The following APCDD1 variants were observed in gnomAD, a reference collection of about 807,000 sequenced individuals.
The protein encoded by APCDD1 is protein APCDD1.
In APCDD1, 15 loss-of-function variants were observed where a neutral mutation model predicts 38.1. That is an observed-to-expected ratio of 0.39 (90% CI 0.26 to 0.61). The LOEUF (loss-of-function observed/expected upper bound fraction) is 0.61. Ranked by LOEUF, APCDD1 falls within the 20% of genes least tolerant of loss-of-function variation. The probability of loss-of-function intolerance (pLI) is 0.49; values close to 1 mark genes in which losing one functional copy is unlikely to be tolerated. For missense variants in APCDD1, 647 were observed against 696.2 expected (o/e 0.93, Z 0.79); for synonymous variants, 261 against 279.7 (o/e 0.93, Z 0.67).
chr18:10,487,329 G>C (rs756006085), intron 4 of APCDD1, among the ~76,000 whole-genome samples: 8 of 152,180 alleles, frequency 5.3e-5, no homozygotes, highest in Non-Finnish European at 1.0e-4. Flanking sequence ...TGGGCTCAGT[G>C]TTTCTACACC....
At position 10,470,858 on chromosome 18, in the gene APCDD1, C is replaced by T. The variant is rs1003347888; in HGVS notation, c.243-672C>T. On this transcript the variant is annotated intron_variant, in intron 2 of 4. Coordinates refer to ENST00000355285, the MANE Select transcript of APCDD1 (RefSeq NM_153000.5). This position sits in a 1 kb window ranked among gnomAD's most constrained non-coding sequence, Gnocchi z 4.1. ...GGAACCTAGCATTCATCTAAGGCCACACTGGCAACCATCATAAACAAAAGG... is the reference window on the plus strand; with the variant it reads ...GGAACCTAGCATTCATCTAAGGCCATACTGGCAACCATCATAAACAAAAGG... Among the ~76,000 whole-genome samples the T allele has an allele frequency of 1.3e-5, 2 of 152,240 alleles. No homozygotes were observed. The highest frequency in any genetic ancestry group is 2.9e-5 in the Non-Finnish European group (2 of 68,042).
chr18:10,481,619 G>A (rs1357068776), intron 3 of APCDD1, among the ~76,000 whole-genome samples: 1 of 151,474 alleles, frequency 6.6e-6, no homozygotes, highest in Non-Finnish European at 1.5e-5. Context: ...ACAACAGTGT[G>A]AATATACTTT....
intron 1 of APCDD1, among the ~76,000 whole-genome samples, chr18:10,464,311 A>AACACACACACACACACAC (rs541648834): frequency 6.9e-4 from 101 of 147,098 alleles, no homozygotes; most frequent in South Asian, 8.7e-4. Flanking sequence ...CTTCAAAGTA[A>AACACACACACACACACAC]ACACACACAC....
chr18:10,454,666 G>A lies in APCDD1; in HGVS notation c.-316G>A. ...ACGCTGCAGCTGCGGTGGCGGTGGCGGCCACTGCAGCTCAGAGCGGCGCAC... is the reference window on the plus strand; with the variant it reads ...ACGCTGCAGCTGCGGTGGCGGTGGCAGCCACTGCAGCTCAGAGCGGCGCAC... On this transcript the variant is annotated 5_prime_UTR_variant, in exon 1 of 5. Transcript: ENST00000355285. 2 of 1,028,974 alleles carry A rather than the reference G, an allele frequency of 1.9e-6. No individual in the cohort carries two copies. Among genetic ancestry groups the A allele is most frequent in the Non-Finnish European group, 2.3e-6 (2 of 860,184 alleles). The allele number at this position is 1,028,974 out of a possible 1,614,324, so 63.7% of individuals were successfully genotyped here. A position where few individuals can be genotyped will look rare whatever the true frequency, so the allele number is the denominator to read the frequency against.
chr18:10,487,604 G>T lies in APCDD1; in HGVS notation c.1111G>T (p.Val371Phe), dbSNP rs1568008968. Reference sequence around the variant, plus strand: ...CTCCTTTGCAGTGAATCACATGAAGGTCACCCCCATGGATGCGGCCACAGC... The same window carrying T: ...CTCCTTTGCAGTGAATCACATGAAGTTCACCCCCATGGATGCGGCCACAGC... ...EFVFKVNHMKVTPMDAATASL... is the reference protein window; with the variant it reads ...EFVFKVNHMKFTPMDAATASL... Residue 371 changes from valine (V) to phenylalanine (F), a missense_variant, in exon 5 of 5, where the codon GTC becomes TTC. Coordinates refer to ENST00000355285, the MANE Select transcript of APCDD1 (RefSeq NM_153000.5). The T allele has an allele frequency of 6.2e-7, 1 of 1,614,080 alleles. No individual in the cohort carries two copies. The highest frequency in any genetic ancestry group is 8.5e-7 in the Non-Finnish European group (1 of 1,180,052).
intron 4 of APCDD1, among the ~76,000 whole-genome samples, chr18:10,486,950 T>G (rs1365898760): frequency 6.6e-6 from 1 of 152,230 alleles, no homozygotes; most frequent in Non-Finnish European, 1.5e-5. Flanking sequence ...AATCTTTACT[T>G]GACTCCACCC....
At chr18:10,468,279 T>C (rs1046763019) in intron 1 of APCDD1, among the ~76,000 whole-genome samples, 190 bp from the exon 2 acceptor site, 1 of 152,232 alleles carries the variant, frequency 6.6e-6, no homozygotes, top group African/African-American at 2.4e-5. Context: ...CACCAGGGAA[T>C]TGATCTACAA....
chr18:10,465,515 T>C (rs1408637092), intron 1 of APCDD1, among the ~76,000 whole-genome samples: 2 of 152,222 alleles, frequency 1.3e-5, no homozygotes, highest in Admixed American at 6.5e-5. Context: ...GTGAAGCAAA[T>C]ATTTATTGCT....
chr18:10,487,811 G>C lies in APCDD1; in HGVS notation c.1318G>C (p.Gly440Arg), dbSNP rs376074678. The change falls in exon 5 of 5, where the codon GGT becomes CGT. Residue 440 changes from glycine (G) to arginine (R), a missense_variant. Gly to Arg is a moderately radical substitution (Grantham distance 125). Transcript: ENST00000355285. The part of the protein sequence containing the change: ...DARGRYLLFN[G>R]QRPSDGSSPD... ...CCGGGGGCGCTATCTGCTGTTCAAC[G>C]GTCAGAGGCCCAGCGACGGGTCCAG... 6.2e-7 allele frequency: 1 copy of C among 1,614,058 alleles called. No homozygotes were observed.
intron 1 of APCDD1, among the ~76,000 whole-genome samples, chr18:10,463,968 G>A (rs2030637087): frequency 6.6e-6 from 1 of 152,208 alleles, no homozygotes; most frequent in South Asian, 2.1e-4. Context: ...TGCCAGCCTC[G>A]CTGGGTTTCC....
chr18:10,457,049 C>A (rs561380554), intron 1 of APCDD1, among the ~76,000 whole-genome samples: 1 of 152,240 alleles, frequency 6.6e-6, no homozygotes, highest in South Asian at 2.1e-4. Context: ...CATGGATAAA[C>A]CGATAAAAAG....
intron 1 of APCDD1, among the ~76,000 whole-genome samples, chr18:10,458,545 G>A (rs1024556289): frequency 6.6e-6 from 1 of 152,138 alleles, no homozygotes; most frequent in Non-Finnish European, 1.5e-5. Context: ...CCCAACAGGG[G>A]CAAGGGTCTC....
Position 10,488,773 on chromosome 18 carries a change from A to C in APCDD1, c.*735A>C, listed in dbSNP as rs2031309237. The C allele has an allele frequency of 8.6e-6, 1 of 116,138 alleles. No homozygotes were observed. Among genetic ancestry groups the C allele is most frequent in the Non-Finnish European group, 1.8e-5 (1 of 56,146 alleles). 7.2% of individuals were successfully genotyped at this position (116,138 alleles called of 1,614,324 possible). On this transcript the variant is annotated 3_prime_UTR_variant, in exon 5 of 5. Transcript: ENST00000355285. Reference sequence around the variant, plus strand: ...TTGGCTTCTGGTTGTTGCAGGAGGCATGTGGCTTCCTGCCTTCTCAGTAGA... The same window carrying C: ...TTGGCTTCTGGTTGTTGCAGGAGGCCTGTGGCTTCCTGCCTTCTCAGTAGA...
intron 1 of APCDD1, 37 bp downstream of exon 1, chr18:10,455,076 G>A: frequency 6.5e-7 from 1 of 1,549,372 alleles, no homozygotes; most frequent in Non-Finnish European, 8.7e-7. Context: ...CTCCCAGCCG[G>A]CGGAGGCAGC....
intron 4 of APCDD1, among the ~76,000 whole-genome samples, chr18:10,486,163 G>C (rs1598401272): frequency 1.3e-5 from 2 of 152,174 alleles, no homozygotes; most frequent in South Asian, 4.1e-4. Context: ...ACCAGCCTGG[G>C]CAACATAGTG....
chr18:10,467,486 C>A lies in APCDD1; in HGVS notation c.59-983C>A, dbSNP rs1438394433. 6.6e-6 allele frequency among the ~76,000 whole-genome samples: 1 copy of A among 152,130 alleles called. No individual in the cohort carries two copies. Among genetic ancestry groups the A allele is most frequent in the African/African-American group, 2.4e-5 (1 of 41,420 alleles). On this transcript the variant is annotated intron_variant, in intron 1 of 4. Transcript: ENST00000355285. This position sits in a 1 kb window ranked among gnomAD's most constrained non-coding sequence, Gnocchi z 4.8. ...CTTCAGGAGTGAATATCAGAGGAGA[C>A]CGTGGCTTTCAGATAATAATTCCAC... is the stretch of plus-strand genomic sequence containing the variant.
chr18:10,471,584 C>T lies in APCDD1; in HGVS notation c.297C>T (p.His99=), dbSNP rs781318162. 1 of 1,614,226 alleles carries T rather than the reference C, an allele frequency of 6.2e-7. No homozygotes were observed. Among genetic ancestry groups the T allele is most frequent in the Non-Finnish European group, 8.5e-7 (1 of 1,180,044 alleles). The change falls in exon 3 of 5, where the codon CAC becomes CAT. Residue 99 remains histidine, a synonymous_variant. Coordinates refer to ENST00000355285, the MANE Select transcript of APCDD1 (RefSeq NM_153000.5). The surrounding 1 kb of genome is among the most constrained non-coding windows in gnomAD (Gnocchi z 5.5). ...EFITRSYRFY[H]NNTFKAYQFY... is the part of the protein sequence containing the mutation. ...TCACAAGGTCCTACAGATTCTACCACAATAACACCTTCAAGGCCTACCAAT... is the reference window on the plus strand; with the variant it reads ...TCACAAGGTCCTACAGATTCTACCATAATAACACCTTCAAGGCCTACCAAT...
rs1301920915 is a variant in APCDD1, at chr18:10,469,724, G to C, written c.242+1072G>C. Among the ~76,000 whole-genome samples, 1 of 152,194 alleles carries C rather than the reference G, an allele frequency of 6.6e-6. No homozygotes were observed. Among genetic ancestry groups the C allele is most frequent in the Non-Finnish European group, 1.5e-5 (1 of 68,028 alleles). ...AGTTCAGAAAGCCTACCAAAGAAGGGGACCCTTGAGCTGAGACATTGTTGG... is the reference window on the plus strand; with the variant it reads ...AGTTCAGAAAGCCTACCAAAGAAGGCGACCCTTGAGCTGAGACATTGTTGG... On this transcript the variant is annotated intron_variant, in intron 2 of 4. Transcript: ENST00000355285. This position sits in a 1 kb window ranked among gnomAD's most constrained non-coding sequence, Gnocchi z 5.5.
intron 1 of APCDD1, among the ~76,000 whole-genome samples, chr18:10,464,311 AACACACACAC>A (rs541648834): frequency 3.4e-5 from 5 of 146,994 alleles, no homozygotes; most frequent in South Asian, 2.2e-4. Context: ...CTTCAAAGTA[AACACACACAC>A]ACACACACAC....
Sources: gnomAD v4.1 joint callset for allele counts (sites outside exome capture counted in the v4.1 genomes callset) on GRCh38, gnomAD v4.1.1 for gene constraint, Gnocchi (gnomAD v3.1) non-coding constraint, MANE v1.5 for transcripts, NCBI Gene and HGNC (gene_info 2026-07-23, HGNC 2026-07-21) for gene names.